CUX1: variants seen among roughly 807,000 people sequenced by gnomAD.
The protein encoded by CUX1 is cut like homeobox 1, also known as protein CASP.
In CUX1, 31 loss-of-function variants were observed where a neutral mutation model predicts 158.8. The observed-to-expected ratio is 0.20, with a 90% CI of 0.15 to 0.26. The LOEUF is 0.26. Among genes scored for constraint, CUX1 ranks in the 10% least tolerant of loss-of-function variants. The pLI is 1.00. For synonymous variants in CUX1, 879 were observed against 862.1 expected (o/e 1.02, Z -0.34); for missense variants, 1,589 against 2,014.6 (o/e 0.79, Z 4.04).
chr7:102,274,603 G>A (rs803065), intron 16 of CUX1, among the ~76,000 whole-genome samples: 91,997 of 152,124 alleles, frequency 0.6, 27,861 homozygotes, highest in African/African-American at 0.67. Flanking sequence ...GCGACAGACC[G>A]AGACCCTGTC....
At chr7:102,039,201 G>A (rs79973398) in intron 3 of CUX1, among the ~76,000 whole-genome samples, 2,841 of 152,174 alleles carry the variant, frequency 0.019, 51 homozygotes, top group Non-Finnish European at 0.028. Context: ...TGGAAGCATC[G>A]TCCTCATCTT....
Position 102,239,516 on chromosome 7 carries a change from C to T in CUX1, c.3819C>T (p.Thr1273=). 1 of 1,614,164 alleles carries T rather than the reference C, an allele frequency of 6.2e-7. No homozygotes were observed. Among genetic ancestry groups the T allele is most frequent in the Non-Finnish European group, 8.5e-7 (1 of 1,180,004 alleles). Residue 1273 remains threonine, a synonymous_variant, in exon 23 of 24, where the codon ACC becomes ACT. Transcript: ENST00000292535. ...AAAAGCCATACCCGTCACCAAAAAC[C>T]ATCGAAGACCTCGCCACCCAGCTCA... The part of the protein sequence containing the change: ...YQQKPYPSPK[T]IEDLATQLNL...
chr7:101,957,146 A>C (rs1347097326), intron 2 of CUX1, among the ~76,000 whole-genome samples: 1 of 152,250 alleles, frequency 6.6e-6, no homozygotes, highest in Non-Finnish European at 1.5e-5. Context: ...AACACAGAAA[A>C]GATCATGATA....
At chr7:102,048,419 G>A (rs1290406478) in intron 3 of CUX1, among the ~76,000 whole-genome samples, 1 of 152,190 alleles carries the variant, frequency 6.6e-6, no homozygotes, top group African/African-American at 2.4e-5. Flanking sequence ...ACCGAACAGG[G>A]TCACTCGGTT....
chr7:102,103,432 T>TCTCA lies in CUX1; in HGVS notation c.407-878_407-875dup, dbSNP rs143109348. ...TGCTCTCCGTTTCTCTCTCTCTCTC[T>TCTCA]CTCACTCACTCACTCACTCACTCAC... On this transcript the variant is annotated intron_variant, in intron 5 of 23. Coordinates refer to ENST00000292535, the MANE Select transcript of CUX1 (RefSeq NM_181552.4). Among the ~76,000 whole-genome samples, 608 of 148,458 alleles carry TCTCA rather than the reference T, an allele frequency of 4.1e-3. 2 individuals are homozygous for TCTCA. Among genetic ancestry groups the TCTCA allele is most frequent in the African/African-American group, 0.014 (561 of 40,242 alleles).
chr7:102,173,856 G>A (rs544019868), intron 10 of CUX1, among the ~76,000 whole-genome samples: 7 of 152,234 alleles, frequency 4.6e-5, no homozygotes, highest in South Asian at 4.2e-4. Flanking sequence ...GGCTCCCCGC[G>A]GGCGTGTATT....
intron 1 of CUX1, among the ~76,000 whole-genome samples, chr7:101,847,436 C>T (rs149286903): frequency 1.1e-4 from 16 of 152,178 alleles, no homozygotes; most frequent in Non-Finnish European, 1.9e-4. Flanking sequence ...CTGTCTTGGA[C>T]GGCAGACAGC....
At chr7:101,969,982 CAAAAAAAA>C (rs34167642) in intron 2 of CUX1, among the ~76,000 whole-genome samples, 8 of 55,658 alleles carry the variant, frequency 1.4e-4, no homozygotes, top group Non-Finnish European at 2.2e-4. Flanking sequence ...GAGTTAGCAC[CAAAAAAAA>C]AAAAAAAAAA....
intron 20 of CUX1, among the ~76,000 whole-genome samples, chr7:102,222,099 A>G (rs1295332230): frequency 6.6e-6 from 1 of 152,082 alleles, no homozygotes; most frequent in Non-Finnish European, 1.5e-5. Context: ...TCTCTCTACA[A>G]AATATACAAA....
At chr7:101,982,195 T>G (rs1297018508) in intron 2 of CUX1, among the ~76,000 whole-genome samples, 1 of 152,192 alleles carries the variant, frequency 6.6e-6, no homozygotes, top group Non-Finnish European at 1.5e-5. Context: ...CCCTGAGAGC[T>G]TTCTCTTCCT....
chr7:101,858,055 G>A (rs901066105), intron 1 of CUX1, among the ~76,000 whole-genome samples: 3 of 152,130 alleles, frequency 2.0e-5, no homozygotes, highest in Non-Finnish European at 2.9e-5. Context: ...CCCAGGAGGC[G>A]GAGGTTACAG....
intron 2 of CUX1, among the ~76,000 whole-genome samples, chr7:102,027,615 C>G (rs1487361245): frequency 1.3e-5 from 2 of 152,172 alleles, no homozygotes; most frequent in Non-Finnish European, 2.9e-5. Context: ...AATCCCAGCA[C>G]TTTGGGATGC....
chr7:102,186,038 T>C (rs1243411792), intron 11 of CUX1, among the ~76,000 whole-genome samples: 2 of 152,150 alleles, frequency 1.3e-5, no homozygotes, highest in African/African-American at 4.8e-5. Flanking sequence ...TTCAGAGACA[T>C]TGGGAAACTG....
chr7:102,048,004 CTT>C lies in CUX1; in HGVS notation c.189+19863_189+19864del, dbSNP rs550747124. On this transcript the variant is annotated intron_variant, in intron 3 of 23. Coordinates refer to ENST00000292535, the MANE Select transcript of CUX1 (RefSeq NM_181552.4). ...TTCCATGTCTCGTCCCTCCCCCAGTCTTTTTCCAGTTGTGTCACAACTCCCTT... is the reference window on the plus strand; with the variant it reads ...TTCCATGTCTCGTCCCTCCCCCAGTCTTTCCAGTTGTGTCACAACTCCCTT... 5.9e-3 allele frequency among the ~76,000 whole-genome samples: 901 copies of C among 152,242 alleles called. 9 individuals are homozygous for C. Among genetic ancestry groups the C allele is most frequent in the African/African-American group, 0.021 (867 of 41,534 alleles).
Position 101,888,971 on chromosome 7 carries a change from G to A in CUX1, c.31-27144G>A, listed in dbSNP as rs535449600. Among the ~76,000 whole-genome samples, 3 of 151,968 alleles carry A rather than the reference G, an allele frequency of 2.0e-5. No homozygotes were observed. In the South Asian group the frequency reaches 6.3e-4, roughly 32 times the overall value. On this transcript the variant is annotated intron_variant, in intron 1 of 23. Transcript: ENST00000292535. The stretch of plus-strand genomic sequence containing the variant: ...GGTATCACCTCTATTTTGCATATCA[G>A]AAAACTGATGCTGGCCAGGTGCAGT...
intron 11 of CUX1, 48 bp from the exon 12 acceptor site, chr7:102,189,765 G>A (rs368744683): frequency 6.9e-6 from 11 of 1,602,720 alleles, no homozygotes; most frequent in East Asian, 4.5e-5. Context: ...GAAGTCCGTC[G>A]ACCTGTTGTC....
chr7:102,119,325 C>T (rs2131170892), intron 8 of CUX1, among the ~76,000 whole-genome samples: 1 of 152,318 alleles, frequency 6.6e-6, no homozygotes, highest in Admixed American at 6.5e-5. Context: ...GTCTGTGGTA[C>T]TGAGGCTGCT....
At chr7:102,190,668 C>T (rs1324653104) in intron 12 of CUX1, among the ~76,000 whole-genome samples, 3 of 152,238 alleles carry the variant, frequency 2.0e-5, no homozygotes, top group African/African-American at 4.8e-5. Context: ...ACCAGCCCCA[C>T]AGGTCCCCCG....
At chr7:102,095,709 G>T (rs538125972) in intron 4 of CUX1, among the ~76,000 whole-genome samples, 3 of 152,124 alleles carry the variant, frequency 2.0e-5, no homozygotes, top group Non-Finnish European at 4.4e-5. Flanking sequence ...TTGTTGATCC[G>T]CTGGGCATGG....
Sources: allele counts gnomAD v4.1 joint callset (sites outside exome capture counted in the v4.1 genomes callset), GRCh38; gene constraint gnomAD v4.1.1; transcripts MANE v1.5; gene names NCBI Gene and HGNC (gene_info 2026-07-23, HGNC 2026-07-21).